Variants in PCGF5 observed in about 807,000 individuals in gnomAD.
The protein encoded by PCGF5 is polycomb group ring finger 5, also known as polycomb group RING finger protein 5.
In PCGF5, 9 loss-of-function variants were observed where a neutral mutation model predicts 44.3. The observed-to-expected ratio is 0.20, with a 90% CI of 0.12 to 0.35. The LOEUF is 0.35. Ranked by LOEUF, PCGF5 falls within the 10% of genes least tolerant of loss-of-function variation. PCGF5 has a pLI of 1.00. For missense variants in PCGF5, 146 were observed against 305.3 expected, an observed-to-expected ratio of 0.48 and a Z score of 3.89; for synonymous variants, 95 against 102.5, an observed-to-expected ratio of 0.93 and a Z score of 0.44.
At chr10:91,184,099 G>A (rs568853554) in intron 1 of PCGF5, among the ~76,000 whole-genome samples, 10 of 152,198 alleles carry the variant, frequency 6.6e-5, no homozygotes, top group South Asian at 4.1e-4. Flanking sequence ...GAATTTGAAG[G>A]TTGGCCTGTC....
upstream of PCGF5, among the ~76,000 whole-genome samples, chr10:91,219,570 A>G (rs963092278): frequency 2.0e-5 from 3 of 152,204 alleles, no homozygotes; most frequent in African/African-American, 7.2e-5. Context: ...TCTCTTACTC[A>G]TTGTGATTGC....
chr10:91,165,441 A>G (rs139894238), intron 1 of PCGF5, among the ~76,000 whole-genome samples: 230 of 152,266 alleles, frequency 1.5e-3, no homozygotes, highest in African/African-American at 5.4e-3. Flanking sequence ...TGCCTGGAAA[A>G]CAGCCTGAAG....
chr10:91,208,641 AT>A (rs2133247660), intron 1 of PCGF5, among the ~76,000 whole-genome samples: 1 of 152,268 alleles, frequency 6.6e-6, no homozygotes. Context: ...TGGAAAATAT[AT>A]GAACTCTGGT....
chr10:91,272,756 G>C (rs1332771741), intron 9 of PCGF5, among the ~76,000 whole-genome samples: 1 of 152,174 alleles, frequency 6.6e-6, no homozygotes, highest in East Asian at 1.9e-4. Flanking sequence ...CTGGGTGACA[G>C]AGCAAGACTC....
At chr10:91,224,426 A>G (rs1844761944) in intron 2 of PCGF5, among the ~76,000 whole-genome samples, 1 of 152,202 alleles carries the variant, frequency 6.6e-6, no homozygotes, top group Non-Finnish European at 1.5e-5. Flanking sequence ...GGGGCATGAG[A>G]TAATAAAGAA....
At chr10:91,242,731 G>C (rs994227884) in intron 3 of PCGF5, among the ~76,000 whole-genome samples, 1 of 152,218 alleles carries the variant, frequency 6.6e-6, no homozygotes, top group East Asian at 1.9e-4. Flanking sequence ...ATGTGCATAT[G>C]TGTATTGGAT....
intron 1 of PCGF5, among the ~76,000 whole-genome samples, chr10:91,187,476 G>T (rs1210107254): frequency 4.6e-5 from 7 of 151,950 alleles, no homozygotes; most frequent in Admixed American, 2.6e-4. Flanking sequence ...GGTAGAGGTC[G>T]CTATCAGAGA....
At chr10:91,201,903 G>A (rs924487221) in intron 1 of PCGF5, among the ~76,000 whole-genome samples, 2 of 152,102 alleles carry the variant, frequency 1.3e-5, no homozygotes, top group African/African-American at 2.4e-5. Flanking sequence ...CAACCTCAGA[G>A]TTTCTGAAGT....
chr10:91,255,780 G>T (rs1361729108), intron 6 of PCGF5, among the ~76,000 whole-genome samples: 1 of 151,962 alleles, frequency 6.6e-6, no homozygotes, highest in African/African-American at 2.4e-5. Flanking sequence ...AAATACAGTG[G>T]TCCCTCAGTA....
upstream of PCGF5, among the ~76,000 whole-genome samples, chr10:91,159,484 G>C (rs1005111577): frequency 3.9e-5 from 6 of 152,274 alleles, no homozygotes; most frequent in Admixed American, 3.3e-4. Flanking sequence ...CCGAGGCTCA[G>C]TGTCTTTTCA....
At chr10:91,236,226 T>G (rs1845159683) in intron 2 of PCGF5, among the ~76,000 whole-genome samples, 1 of 152,218 alleles carries the variant, frequency 6.6e-6, no homozygotes, top group Non-Finnish European at 1.5e-5. Context: ...GGATACCATC[T>G]TTGCTGCACA....
chr10:91,166,741 T>A (rs779295806), intron 1 of PCGF5, among the ~76,000 whole-genome samples: 6 of 152,216 alleles, frequency 3.9e-5, no homozygotes, highest in Non-Finnish European at 5.9e-5. Context: ...TAAGTAGAGC[T>A]TTCCACAGCA....
chr10:91,205,323 A>G (rs1844326966), intron 1 of PCGF5, among the ~76,000 whole-genome samples: 1 of 152,074 alleles, frequency 6.6e-6, no homozygotes, highest in Non-Finnish European at 1.5e-5. Context: ...CCCAGCTAAC[A>G]TGGAGCAAAT....
chr10:91,180,871 T>C (rs560047959), intron 1 of PCGF5, among the ~76,000 whole-genome samples: 5 of 152,362 alleles, frequency 3.3e-5, no homozygotes, highest in African/African-American at 1.2e-4. Context: ...AAATAGTTTC[T>C]TCTAGTTCTG....
At chr10:91,221,790 C>G (rs1448720198) in intron 1 of PCGF5, among the ~76,000 whole-genome samples, 2 of 150,162 alleles carry the variant, frequency 1.3e-5, no homozygotes, top group Non-Finnish European at 2.9e-5. Context: ...TAAATATGAC[C>G]AGTTTCTATT....
upstream of PCGF5, among the ~76,000 whole-genome samples, chr10:91,215,818 A>G (rs1484366457): frequency 2.6e-5 from 4 of 152,228 alleles, no homozygotes; most frequent in East Asian, 1.9e-4. Context: ...ATCATGTTCC[A>G]TTTAACACTT....
intron 1 of PCGF5, among the ~76,000 whole-genome samples, chr10:91,196,068 A>G (rs767724921): frequency 5.9e-5 from 9 of 151,432 alleles, no homozygotes; most frequent in Non-Finnish European, 1.0e-4. Flanking sequence ...GTGTTGCCCC[A>G]TGGGGTGTTA....
chr10:91,195,452 GCATATATATATATGCATGCATA>G (rs1844112454), intron 1 of PCGF5, among the ~76,000 whole-genome samples: 3 of 127,706 alleles, frequency 2.3e-5, no homozygotes, highest in African/African-American at 1.1e-4. Flanking sequence ...GTATATATAT[GCATATATATATATGCATGCATA>G]TATATATATA....
intron 3 of PCGF5, among the ~76,000 whole-genome samples, chr10:91,244,210 A>G (rs1845402827): frequency 6.6e-6 from 1 of 152,066 alleles, no homozygotes; most frequent in Non-Finnish European, 1.5e-5. Context: ...GCAATTTTAA[A>G]TAAGATGGTG....
Sources: gnomAD v4.1 joint callset for allele counts (sites outside exome capture counted in the v4.1 genomes callset) on GRCh38, gnomAD v4.1.1 for gene constraint, MANE v1.5 for transcripts, NCBI Gene and HGNC (gene_info 2026-07-23, HGNC 2026-07-21) for gene names.